CEMIP2: variants seen among roughly 807,000 people sequenced by gnomAD.
CEMIP2 encodes the protein cell migration inducing hyaluronidase 2.
Under a neutral mutation model 146.9 loss-of-function variants are expected in CEMIP2, and 79 were observed. That is an observed-to-expected ratio of 0.54 (90% CI 0.45 to 0.65). The LOEUF is 0.65. Among genes scored for constraint, CEMIP2 ranks in the 30% least tolerant of loss-of-function variants. The pLI, the probability that CEMIP2 is intolerant of heterozygous loss-of-function variation, is 0.00. For synonymous variants in CEMIP2, 601 were observed against 606.3 expected (o/e 0.99, Z 0.13); for missense variants, 1,596 against 1,696.2 (o/e 0.94, Z 1.04).
intron 21 of CEMIP2, among the ~76,000 whole-genome samples, chr9:71,691,494 T>C (rs1224478095): frequency 6.6e-6 from 1 of 151,852 alleles, no homozygotes; most frequent in African/African-American, 2.4e-5. Flanking sequence ...CTGGAAGCAT[T>C]TGAAGTAAAT....
In CEMIP2 at chr9:71,685,244, G is replaced by T. The variant is rs762405946; in HGVS notation, c.4105C>A (p.Arg1369Ser). 6.2e-7 allele frequency: 1 copy of T among 1,613,408 alleles called. No homozygotes were observed. Among genetic ancestry groups the T allele is most frequent in the African/African-American group, 1.3e-5 (1 of 74,880 alleles). Reference protein sequence around the residue: ...EYGCPRATTVRRRDLELLKQA... With the variant: ...EYGCPRATTVSRRDLELLKQA... Reference sequence around the variant, plus strand: ...TTTAGCAGTTCCAGGTCTCTTCTGCGGACAGTGGTGGCTCTGGGACAACCA... The same window carrying T: ...TTTAGCAGTTCCAGGTCTCTTCTGCTGACAGTGGTGGCTCTGGGACAACCA... Residue 1369 changes from arginine (R) to serine (S), a missense_variant, in exon 24 of 24, where the codon CGC becomes AGC. Physicochemically the swap from Arg to Ser is moderately radical, Grantham distance 110. Coordinates refer to ENST00000377044, the MANE Select transcript of CEMIP2 (RefSeq NM_013390.3).
At chr9:71,711,057 C>A (rs548719700) in intron 16 of CEMIP2, among the ~76,000 whole-genome samples, 1 of 152,280 alleles carries the variant, frequency 6.6e-6, no homozygotes, top group South Asian at 2.1e-4. Context: ...TGTCCTGAGA[C>A]TTCTCTGTCT....
rs201876244 is a variant in CEMIP2 at position 71,746,197 on chromosome 9, C to T, written c.472+4G>A. On this transcript the variant is annotated splice_donor_region_variant and intron_variant, in intron 3 of 23. Coordinates refer to ENST00000377044, the MANE Select transcript of CEMIP2 (RefSeq NM_013390.3). ...AGTTCCCATAGGCAGGAACCATTAC[C>T]TACCTCCATCCTGAATGACTATAGA... 23 of 1,612,650 alleles carry T rather than the reference C, an allele frequency of 1.4e-5. No individual in the cohort carries two copies. Among genetic ancestry groups the T allele is most frequent in the Non-Finnish European group, 2.0e-5 (23 of 1,179,286 alleles).
chr9:71,694,399 A>C, intron 21 of CEMIP2, 110 bp downstream of exon 21: 1 of 771,886 alleles, frequency 1.3e-6, no homozygotes, highest in South Asian at 1.6e-5. Flanking sequence ...CTGGGATCAC[A>C]GGTGTGAGCC....
intron 14 of CEMIP2, among the ~76,000 whole-genome samples, chr9:71,715,612 A>C (rs1450782337): frequency 2.3e-5 from 3 of 128,660 alleles, no homozygotes; most frequent in African/African-American, 8.2e-5. Context: ...ATACATACAT[A>C]TATCCCTCTT....
chr9:71,716,491 G>A (rs763440383), intron 14 of CEMIP2, 26 bp downstream of exon 14: 5 of 1,541,666 alleles, frequency 3.2e-6, no homozygotes, highest in East Asian at 2.3e-5. Flanking sequence ...TTTAAAATAA[G>A]TAAGTATTTT....
Position 71,762,597 on chromosome 9 carries a change from A to G in CEMIP2, c.-13+5760T>C, listed in dbSNP as rs529325404. ...CCCAAGTGCTGCAAGCACTAACAGG[A>G]GGCAAGAAAAAACACTTGAAGATTA... On this transcript the variant is annotated intron_variant, in intron 1 of 23. Transcript: ENST00000377044. 5.2e-4 allele frequency among the ~76,000 whole-genome samples: 79 copies of G among 152,082 alleles called. 1 individual carries two copies. The South Asian group carries it at 0.016, about 31-fold the overall frequency.
intron 18 of CEMIP2, 99 bp downstream of exon 18, chr9:71,704,496 G>T: frequency 2.4e-6 from 3 of 1,262,086 alleles, no homozygotes; most frequent in Non-Finnish European, 3.4e-6. Flanking sequence ...ATGTAAAATT[G>T]GCTTTCTTTG....
chr9:71,747,559 G>A (rs73647010), intron 2 of CEMIP2, among the ~76,000 whole-genome samples: 2,410 of 152,224 alleles, frequency 0.016, 65 homozygotes, highest in African/African-American at 0.054. Flanking sequence ...TTCCAAGGTG[G>A]CTTTATTTAA....
intron 1 of CEMIP2, among the ~76,000 whole-genome samples, chr9:71,759,405 G>A (rs941513294): frequency 7.9e-5 from 12 of 152,164 alleles, no homozygotes; most frequent in Admixed American, 3.9e-4. Context: ...CTCCCTGAAA[G>A]TTCACTAAAA....
At position 71,715,648 on chromosome 9, in the gene CEMIP2, A is replaced by ATG. The variant is rs967444649; in HGVS notation, c.2436-560_2436-559insCA. Among the ~76,000 whole-genome samples, 1,159 of 134,214 alleles carry ATG rather than the reference A, an allele frequency of 8.6e-3. 20 individuals carry two copies. Among genetic ancestry groups the ATG allele is most frequent in the Non-Finnish European group, 0.013 (825 of 63,444 alleles). 88.0% of individuals were successfully genotyped at this position (134,214 alleles called of 152,430 possible). On this transcript the variant is annotated intron_variant, in intron 14 of 23. Coordinates refer to ENST00000377044, the MANE Select transcript of CEMIP2 (RefSeq NM_013390.3). ...AAGATATATATATATATATATATAT[A>ATG]CTTTTTTTTTTTTAAAGAGACAGGG...
intron 10 of CEMIP2, among the ~76,000 whole-genome samples, chr9:71,728,479 C>G: frequency 6.8e-6 from 1 of 148,050 alleles, no homozygotes; most frequent in Non-Finnish European, 1.5e-5. Context: ...AAGACCCTGT[C>G]TCAGGGAGAA....
intron 21 of CEMIP2, 44 bp downstream of exon 21, chr9:71,694,465 T>C: frequency 1.3e-6 from 2 of 1,496,286 alleles, no homozygotes; most frequent in Admixed American, 1.7e-5. Context: ...GGCATTTTGT[T>C]ATACCACCTA....
chr9:71,690,061 T>G, intron 22 of CEMIP2, 31 bp downstream of exon 22: 1 of 1,607,636 alleles, frequency 6.2e-7, no homozygotes, highest in Non-Finnish European at 8.5e-7. Flanking sequence ...TTAAGGTGGC[T>G]TTTCCCTGTT....
At chr9:71,728,269 A>ATATATACACG (rs1554684688) in intron 10 of CEMIP2, among the ~76,000 whole-genome samples, 3,216 of 15,078 alleles carry the variant, frequency 0.21, 836 homozygotes, top group Non-Finnish European at 0.36. Flanking sequence ...ACGTATATAT[A>ATATATACACG]TATATATATA....
rs750477121 is a variant in CEMIP2, at chr9:71,732,524, G to C, written c.1394-4C>G. The C allele has an allele frequency of 6.3e-7, 1 of 1,582,308 alleles. No homozygotes were observed. The highest frequency in any genetic ancestry group is 8.5e-7 in the Non-Finnish European group (1 of 1,170,990). On this transcript the variant is annotated splice_region_variant and splice_polypyrimidine_tract_variant and intron_variant, in intron 6 of 23. Coordinates refer to ENST00000377044, the MANE Select transcript of CEMIP2 (RefSeq NM_013390.3). ...ATGTGCAGGAACTGAGGGGTTTCTG[G>C]TTGATATGAGCAAGGAAAAAAAAGA...
chr9:71,730,560 G>A, intron 8 of CEMIP2, 145 bp downstream of exon 8: 1 of 841,546 alleles, frequency 1.2e-6, no homozygotes, highest in Non-Finnish European at 1.8e-6. Flanking sequence ...CCTTCAGACA[G>A]AAAAATCGTG....
chr9:71,754,791 G>A (rs1824373244), intron 1 of CEMIP2, among the ~76,000 whole-genome samples: 1 of 151,836 alleles, frequency 6.6e-6, no homozygotes, highest in African/African-American at 2.4e-5. Flanking sequence ...AAGCAAGTAA[G>A]CAAAGCAATT....
intron 14 of CEMIP2, 49 bp downstream of exon 14, chr9:71,716,468 G>A (rs1477300109): frequency 1.4e-6 from 2 of 1,416,994 alleles, no homozygotes; most frequent in Non-Finnish European, 1.9e-6. Context: ...AAAATCAAGG[G>A]TTATTTTAAA....
Sources: gnomAD v4.1 joint callset for allele counts (sites outside exome capture counted in the v4.1 genomes callset) on GRCh38, gnomAD v4.1.1 for gene constraint, MANE v1.5 for transcripts, NCBI Gene and HGNC (gene_info 2026-07-23, HGNC 2026-07-21) for gene names.